Variants in LAMA5 observed in about 807,000 individuals in gnomAD.
The protein encoded by LAMA5 is laminin subunit alpha 5.
Under a neutral mutation model 433.4 loss-of-function variants are expected in LAMA5, and 260 were observed. That is an observed-to-expected ratio of 0.60 (90% CI 0.54 to 0.66). The LOEUF is 0.66. Among genes scored for constraint, LAMA5 ranks in the 30% least tolerant of loss-of-function variants. The pLI is 0.00. For missense variants in LAMA5, 5,378 were observed against 5,258.5 expected (o/e 1.02, Z -0.70); for synonymous variants, 2,620 against 2,226.6 (o/e 1.18, Z -4.97).
Position 62,334,044 on chromosome 20 carries a change from G to A in LAMA5, c.2740-5C>T, listed in dbSNP as rs374461547. On this transcript the variant is annotated splice_region_variant and splice_polypyrimidine_tract_variant and intron_variant, in intron 22 of 79. Coordinates refer to ENST00000252999, the MANE Select transcript of LAMA5 (RefSeq NM_005560.6). ...CAGCCTGGCCACGATCCTGGGCTGG[G>A]TGGGCATGGAGCGTCGGGTCACTCT... 2 of 1,610,954 alleles carry A rather than the reference G, an allele frequency of 1.2e-6. No homozygotes were observed. The highest frequency in any genetic ancestry group is 2.7e-5 in the African/African-American group (2 of 74,902).
In LAMA5 at chr20:62,362,298, G is replaced by A. The variant is rs546553168; in HGVS notation, c.450+102C>T. ...TCCAGCCTCCCAGGCCCCAGGTCTC[G>A]CTCACGGTGGAGACCTCGCCTTCTG... On this transcript the variant is annotated intron_variant, in intron 2 of 79. Transcript: ENST00000252999. 5.5e-5 allele frequency: 65 copies of A among 1,186,980 alleles called. 2 individuals are homozygous for A. In the South Asian group the frequency reaches 1.4e-3, roughly 26 times the overall value. The allele number at this position is 1,186,980 out of a possible 1,614,324, so 73.5% of individuals were successfully genotyped here.
Position 62,346,198 on chromosome 20 carries a change from C to T in LAMA5, c.1300G>A (p.Asp434Asn), listed in dbSNP as rs566922430. ...TCCTCGCAGGTGCCATCCGTGAAGTCGGACTCGCAGTTGCAGCCTGGGCAG... is the reference window on the plus strand; with the variant it reads ...TCCTCGCAGGTGCCATCCGTGAAGTTGGACTCGCAGTTGCAGCCTGGGCAG... ...HVCRRCNCES[D>N]FTDGTCEDLT... Residue 434 changes from aspartate (D) to asparagine (N), a missense_variant, in exon 10 of 80, where the codon GAC (aspartate) becomes AAC (asparagine). Physicochemically the swap from Asp to Asn is conservative, Grantham distance 23. Coordinates refer to ENST00000252999, the MANE Select transcript of LAMA5 (RefSeq NM_005560.6). The T allele has an allele frequency of 9.9e-6, 16 of 1,611,952 alleles. No homozygotes were observed. The highest frequency in any genetic ancestry group is 1.7e-4 in the Middle Eastern group (1 of 6,056).
Position 62,324,249 on chromosome 20 carries a change from C to G in LAMA5, c.5644-45G>C. 6.4e-7 allele frequency: 1 copy of G among 1,573,428 alleles called. No individual in the cohort carries two copies. The highest frequency in any genetic ancestry group is 1.2e-5 in the South Asian group (1 of 85,662). On this transcript the variant is annotated intron_variant, in intron 42 of 79. Coordinates refer to ENST00000252999, the MANE Select transcript of LAMA5 (RefSeq NM_005560.6). This position sits in a 1 kb window ranked among gnomAD's most constrained non-coding sequence, Gnocchi z 4.4. ...CAGAGCTATGGTGGACACCCACATC[C>G]TACTGCCGAGTCTGTGCAGCTCCCA... is the stretch of plus-strand genomic sequence containing the variant.
At chr20:62,327,762 C>T (rs1979570097) in intron 36 of LAMA5, 93 bp from the exon 37 acceptor site, 5 of 1,581,346 alleles carry the variant, frequency 3.2e-6, no homozygotes, top group Non-Finnish European at 3.4e-6. Flanking sequence ...ATGACTCTCC[C>T]AAAAGCTTCT....
rs774338680 is a variant in LAMA5, at chr20:62,309,829, T to G, written c.10835A>C (p.Lys3612Thr). ...CTCCAGCCGGAGCACATTCCCGCTT[T>G]TCATCACTGGGAGAAAGGGGGACTC... ...DGQWHRLAVMKSGNVLRLEVD... is the reference protein window; with the variant it reads ...DGQWHRLAVMTSGNVLRLEVD... The change falls in exon 79 of 80, where the codon AAA becomes ACA. Residue 3612 changes from lysine to threonine, a missense_variant. Transcript: ENST00000252999. 1 of 1,611,534 alleles carries G rather than the reference T, an allele frequency of 6.2e-7. No individual in the cohort carries two copies. The highest frequency in any genetic ancestry group is 1.7e-5 in the Admixed American group (1 of 59,712).
At chr20:62,362,593 G>A (rs377595540) in intron 1 of LAMA5, 41 bp from the exon 2 acceptor site, 20 of 1,443,154 alleles carry the variant, frequency 1.4e-5, no homozygotes, top group Middle Eastern at 2.4e-4. Flanking sequence ...GAGAAGGGCC[G>A]GGGCCCCCTT....
intron 53 of LAMA5, 60 bp downstream of exon 53, chr20:62,318,394 G>A (rs1987283870): frequency 2.2e-6 from 3 of 1,348,232 alleles, no homozygotes; most frequent in South Asian, 2.5e-5. Context: ...GGAGAGGAGA[G>A]GGATTGCAGG....
Position 62,309,732 on chromosome 20 carries a change from G to C in LAMA5, c.10932C>G (p.Tyr3644Ter), listed in dbSNP as rs1476069416. ...CGCACTCACCAGGCAGGCCCCCGAG[G>C]TACAGAGGGGCTGGGGCACCAGCTG... ...AAAAGAPAPL[Y>*]LGGLPEPMAV... is the part of the protein sequence containing the mutation. The change falls in exon 79 of 80, where the codon TAC becomes TAG. Residue 3644 changes from tyrosine to a stop codon, truncating the protein, a stop_gained. Coordinates refer to ENST00000252999, the MANE Select transcript of LAMA5 (RefSeq NM_005560.6). LOFTEE classifies it low-confidence loss of function (END_TRUNC). The C allele has an allele frequency of 1.9e-6, 3 of 1,601,690 alleles. No homozygotes were observed. The highest frequency in any genetic ancestry group is 1.7e-6 in the Non-Finnish European group (2 of 1,176,574).
At chr20:62,318,720 G>A in intron 52 of LAMA5, 70 bp from the exon 53 acceptor site, 2 of 1,575,794 alleles carry the variant, frequency 1.3e-6, no homozygotes, top group Non-Finnish European at 1.7e-6. Context: ...GTCTCCACTT[G>A]GTGCCCGCCA....
chr20:62,337,004 C>T lies in LAMA5; in HGVS notation c.2165-218G>A, dbSNP rs543222038. ...CACAGCACCTGCTCATGGACATGCA[C>T]GCAAACGTGCACCGCGTGGGGTACC... is the stretch of plus-strand genomic sequence containing the variant. On this transcript the variant is annotated intron_variant, in intron 16 of 79. Coordinates refer to ENST00000252999, the MANE Select transcript of LAMA5 (RefSeq NM_005560.6). 1.4e-4 allele frequency: 96 copies of T among 686,158 alleles called. 1 individual carries two copies. The highest frequency in any genetic ancestry group is 3.9e-4 in the Admixed American group (19 of 49,322). 42.5% of individuals were successfully genotyped at this position (686,158 alleles called of 1,614,324 possible).
intron 6 of LAMA5, 68 bp from the exon 7 acceptor site, chr20:62,347,096 C>A: frequency 5.1e-6 from 6 of 1,166,234 alleles, no homozygotes; most frequent in Non-Finnish European, 7.5e-6. Flanking sequence ...CAGTCCCTTC[C>A]CTGAAGGGGC....
rs201356478 is a variant in LAMA5, at chr20:62,310,555, G to A, written c.10464C>T (p.Ser3488=). 1.4e-3 allele frequency: 2,092 copies of A among 1,548,420 alleles called. 1 individual carries two copies. The highest frequency in any genetic ancestry group is 2.2e-3 in the Admixed American group (112 of 50,552). Residue 3488 remains serine (S), a synonymous_variant, in exon 76 of 80, where the codon AGC becomes AGT. Transcript: ENST00000252999. The stretch of plus-strand genomic sequence containing the variant: ...GCAGCCTCAGTCTCTTCACACAGCC[G>A]CTGAACCCGACGGTCACCTATAGGA... ...SSKLPVTVGF[S]GCVKRLRLHG... is the part of the protein sequence containing the mutation.
Position 62,324,625 on chromosome 20 carries a change from G to T in LAMA5, c.5530-71C>A. On this transcript the variant is annotated intron_variant, in intron 41 of 79. Transcript: ENST00000252999. This position sits in a 1 kb window ranked among gnomAD's most constrained non-coding sequence, Gnocchi z 4.4. Reference sequence around the variant, plus strand: ...GGGGCCCCACCCTGCAAGCTCACAAGTCAGACCCTCAGGGATCCTGCAGGC... The same window carrying T: ...GGGGCCCCACCCTGCAAGCTCACAATTCAGACCCTCAGGGATCCTGCAGGC... 2 of 971,774 alleles carry T rather than the reference G, an allele frequency of 2.1e-6. No homozygotes were observed. The highest frequency in any genetic ancestry group is 3.2e-6 in the Non-Finnish European group (2 of 617,918). The allele number at this position is 971,774 out of a possible 1,614,324, so 60.2% of individuals were successfully genotyped here.
intron 17 of LAMA5, 140 bp from the exon 18 acceptor site, chr20:62,336,585 G>A: frequency 8.7e-7 from 1 of 1,144,106 alleles, no homozygotes; most frequent in Non-Finnish European, 1.3e-6. Flanking sequence ...TGCAGTGGGG[G>A]CAGAGGACCA....
At position 62,314,725 on chromosome 20, in the gene LAMA5, C is replaced by A; in HGVS notation, c.8197G>T (p.Val2733Phe). ...CCGTTGAACTTCATGGGCACCTTGACCTGCGGGGCACGGTCCATCAGCGTC... is the reference window on the plus strand; with the variant it reads ...CCGTTGAACTTCATGGGCACCTTGAACTGCGGGGCACGGTCCATCAGCGTC... The part of the protein sequence containing the change: ...IAQARGAASK[V>F]KVPMKFNGRS... The change falls in exon 61 of 80, where the codon GTC becomes TTC. Residue 2733 changes from valine to phenylalanine, a missense_variant and splice_region_variant. Transcript: ENST00000252999. 1.2e-6 allele frequency: 2 copies of A among 1,612,446 alleles called. No individual in the cohort carries two copies. The highest frequency in any genetic ancestry group is 1.7e-6 in the Non-Finnish European group (2 of 1,179,720).
Position 62,309,408 on chromosome 20 carries a change from C to T in LAMA5, c.11016G>A (p.Arg3672=). The change falls in exon 80 of 80, where the codon CGG becomes CGA. Residue 3672 remains arginine (R), a synonymous_variant. Transcript: ENST00000252999. ...CGCMRRLAVN[R]SPVAMTRSVE... ...CAGAGCGAGTCATGGCGACGGGGGA[C>T]CGGTTCACCGCCAGCCTCCTCATGC... 6.3e-7 allele frequency: 1 copy of T among 1,585,974 alleles called. No homozygotes were observed.
chr20:62,325,251 G>A (rs937623384), intron 41 of LAMA5, 65 bp downstream of exon 41: 7 of 1,038,982 alleles, frequency 6.7e-6, no homozygotes, highest in African/African-American at 3.2e-5. Context: ...AACACAGGGA[G>A]GATGCTGGAG....
chr20:62,318,810 C>T, intron 52 of LAMA5, 33 bp downstream of exon 52: 1 of 1,605,670 alleles, frequency 6.2e-7, no homozygotes, highest in Non-Finnish European at 8.5e-7. Flanking sequence ...CCTGCCTCTC[C>T]CCACCCCGCC....
rs1979087820 is a variant in LAMA5 at position 62,325,309 on chromosome 20, A to AC, written c.5529+6dup. The AC allele has an allele frequency of 6.4e-7, 1 of 1,566,984 alleles. No homozygotes were observed. Among genetic ancestry groups the AC allele is most frequent in the African/African-American group, 1.4e-5 (1 of 73,914 alleles). ...CGCCTCGCAGTCTGGTGCTGTCCTAACCTCACCTGGCATGAGTCCCCCCGG... is the reference window on the plus strand; with the variant it reads ...CGCCTCGCAGTCTGGTGCTGTCCTAACCCTCACCTGGCATGAGTCCCCCCGG... On this transcript the variant is annotated splice_region_variant and intron_variant, in intron 41 of 79. Coordinates refer to ENST00000252999, the MANE Select transcript of LAMA5 (RefSeq NM_005560.6).
Sources: allele counts gnomAD v4.1 joint callset, GRCh38; gene constraint gnomAD v4.1.1; non-coding constraint Gnocchi (gnomAD v3.1); transcripts MANE v1.5; gene names NCBI Gene and HGNC (gene_info 2026-07-23, HGNC 2026-07-21).